DENND4C: variants seen among roughly 807,000 people sequenced by gnomAD.
DENND4C encodes the protein DENN domain containing 4C.
A neutral mutation model predicts 203.0 loss-of-function variants in DENND4C; 108 were observed. The observed-to-expected ratio is 0.53, with a 90% CI of 0.46 to 0.62. The LOEUF (loss-of-function observed/expected upper bound fraction) is 0.62, where lower values mean the gene tolerates loss of function less well. DENND4C is among the 20% of genes least tolerant of loss of function. The pLI is 0.00. For missense variants in DENND4C, 2,481 were observed against 2,301.2 expected (o/e 1.08, Z -1.60); for synonymous variants, 871 against 792.4 (o/e 1.10, Z -1.67).
At chr9:19,230,957 G>C (rs1411765210) in intron 1 of DENND4C, 124 bp downstream of exon 1, 2 of 152,330 alleles carry the variant, frequency 1.3e-5, no homozygotes, top group Non-Finnish European at 2.9e-5. Flanking sequence ...CGAGTGGCTG[G>C]CCCGCGGGGG....
rs377612938 is a variant in DENND4C, at chr9:19,246,708, A to G, written c.-18+15875A>G. ...TATTTAAGGATTTTGCTTCTGGGTTATCTTCGATATTTTTGTTTTTGTTTG... is the reference window on the plus strand; with the variant it reads ...TATTTAAGGATTTTGCTTCTGGGTTGTCTTCGATATTTTTGTTTTTGTTTG... On this transcript the variant is annotated intron_variant, in intron 1 of 32. Coordinates refer to ENST00000434457, the MANE Select transcript of DENND4C (RefSeq NM_001330640.2). 3.3e-5 allele frequency among the ~76,000 whole-genome samples: 5 copies of G among 151,470 alleles called. No individual in the cohort carries two copies. The East Asian group carries it at 9.7e-4, about 29-fold the overall frequency.
chr9:19,327,950 A>G, intron 15 of DENND4C, 80 bp from the exon 16 acceptor site: 2 of 1,333,208 alleles, frequency 1.5e-6, no homozygotes. Flanking sequence ...TGAAGTTTAG[A>G]AATATTTGCC....
intron 30 of DENND4C, among the ~76,000 whole-genome samples, chr9:19,367,914 A>G (rs1828021089): frequency 6.6e-6 from 1 of 152,240 alleles, no homozygotes; most frequent in African/African-American, 2.4e-5. Flanking sequence ...GTATTATTCC[A>G]TTTATATGAA....
At chr9:19,254,184 TCTC>T in intron 1 of DENND4C, among the ~76,000 whole-genome samples, 1 of 152,260 alleles carries the variant, frequency 6.6e-6, no homozygotes. Flanking sequence ...TGGAGGTTCT[TCTC>T]AAAATTAAAA....
Position 19,296,099 on chromosome 9 carries a change from T to G in DENND4C, c.893T>G (p.Val298Gly). Residue 298 changes from valine to glycine, a missense_variant, in exon 6 of 33, where the codon GTG becomes GGG. This residue lies in a region of DENND4C where 2,289 missense variants were observed against 2,113.3 expected (regional missense o/e 1.08). Coordinates refer to ENST00000434457, the MANE Select transcript of DENND4C (RefSeq NM_001330640.2). ...ATGCACCTGGGCTTGTTGACGCCTG[T>G]GGAGAGAAAAATGGTCTCCAAATCC... ...QLMHLGLLTPVERKMVSKSIN... is the reference protein window; with the variant it reads ...QLMHLGLLTPGERKMVSKSIN... 2.5e-6 allele frequency: 4 copies of G among 1,614,118 alleles called. No individual in the cohort carries two copies. The highest frequency in any genetic ancestry group is 2.5e-6 in the Non-Finnish European group (3 of 1,180,002).
intron 30 of DENND4C, among the ~76,000 whole-genome samples, chr9:19,368,178 A>G (rs1010275567): frequency 3.3e-5 from 5 of 152,030 alleles, no homozygotes; most frequent in Non-Finnish European, 5.9e-5. Flanking sequence ...TTCAAAGTCT[A>G]TCATTTAGCA....
rs1451345744 is a variant in DENND4C at position 19,374,004 on chromosome 9, G to T, written c.*1831G>T. On this transcript the variant is annotated 3_prime_UTR_variant, in exon 33 of 33. Coordinates refer to ENST00000434457, the MANE Select transcript of DENND4C (RefSeq NM_001330640.2). ...TCAAAATGGATCTTTTGCACTGTCT[G>T]AGAGTATATATTTTTGCAACTCAAG... Among the ~76,000 whole-genome samples, 1 of 152,080 alleles carries T rather than the reference G, an allele frequency of 6.6e-6. No individual in the cohort carries two copies. The highest frequency in any genetic ancestry group is 1.5e-5 in the Non-Finnish European group (1 of 68,022).
At chr9:19,345,230 C>T (rs1047693137) in intron 22 of DENND4C, among the ~76,000 whole-genome samples, 11 of 152,182 alleles carry the variant, frequency 7.2e-5, no homozygotes, top group African/African-American at 2.4e-4. Flanking sequence ...TTTTCCAAAG[C>T]TGGGGGAAGC....
chr9:19,344,469 C>T (rs1822356214), intron 22 of DENND4C, among the ~76,000 whole-genome samples: 1 of 152,136 alleles, frequency 6.6e-6, no homozygotes, highest in Non-Finnish European at 1.5e-5. Flanking sequence ...GTACTCTCCA[C>T]CCTAGGTGAC....
Position 19,342,629 on chromosome 9 carries a change from C to A in DENND4C, c.3005-4C>A, listed in dbSNP as rs753139337. The A allele has an allele frequency of 6.3e-7, 1 of 1,582,952 alleles. No homozygotes were observed. The highest frequency in any genetic ancestry group is 1.2e-5 in the South Asian group (1 of 85,004). ...AATGATAACATCCAAATATTTTTTT[C>A]CAGAGGTGTGTGATGCCTCTGCTAT... On this transcript the variant is annotated splice_region_variant and splice_polypyrimidine_tract_variant and intron_variant, in intron 21 of 32. Coordinates refer to ENST00000434457, the MANE Select transcript of DENND4C (RefSeq NM_001330640.2).
intron 17 of DENND4C, among the ~76,000 whole-genome samples, chr9:19,333,161 C>T (rs1369317437): frequency 2.0e-5 from 3 of 151,890 alleles, no homozygotes; most frequent in African/African-American, 7.3e-5. Context: ...ACTACAGGTG[C>T]ACACCACCAC....
chr9:19,373,484 G>A lies in DENND4C; in HGVS notation c.*1311G>A, dbSNP rs528157613. The A allele has an allele frequency of 2.0e-5, 3 of 152,520 alleles. No homozygotes were observed. The highest frequency in any genetic ancestry group is 4.4e-5 in the Non-Finnish European group (3 of 68,000). The allele number at this position is 152,520 out of a possible 1,614,324, so 9.4% of individuals were successfully genotyped here. A position where few individuals can be genotyped will look rare whatever the true frequency, so the allele number is the denominator to read the frequency against. The stretch of plus-strand genomic sequence containing the variant: ...TGTGGGATAAACTTGCACTGCACAC[G>A]GAAGTTTTATTCTTGTATATTTAGA... On this transcript the variant is annotated 3_prime_UTR_variant, in exon 33 of 33. Coordinates refer to ENST00000434457, the MANE Select transcript of DENND4C (RefSeq NM_001330640.2).
chr9:19,300,164 A>G (rs1229344317), intron 8 of DENND4C, 23 bp from the exon 9 acceptor site: 56 of 1,580,004 alleles, frequency 3.5e-5, no homozygotes, highest in Non-Finnish European at 4.8e-5. Context: ...ACAATGATCT[A>G]CTTTTCTCTT....
chr9:19,288,293 C>G (rs901580429), intron 3 of DENND4C, among the ~76,000 whole-genome samples: 1 of 152,180 alleles, frequency 6.6e-6, no homozygotes, highest in East Asian at 1.9e-4. Flanking sequence ...AATTTGGGCT[C>G]CAGTGCACAC....
chr9:19,241,818 G>C (rs1823809525), intron 1 of DENND4C, among the ~76,000 whole-genome samples: 1 of 151,852 alleles, frequency 6.6e-6, no homozygotes, highest in Non-Finnish European at 1.5e-5. Context: ...AGGAGATTGG[G>C]ACCAGCCTGG....
At chr9:19,275,378 C>T (rs1435285698) in intron 1 of DENND4C, among the ~76,000 whole-genome samples, 5 of 149,564 alleles carry the variant, frequency 3.3e-5, no homozygotes, top group African/African-American at 9.9e-5. Flanking sequence ...CTGAAACCTC[C>T]GCCTTCCGGG....
rs1448460343 is a variant in DENND4C, at chr9:19,346,871, C to T, written c.4102C>T (p.His1368Tyr). ...CAAGCAGCAAACCCCCTCTCGAACT[C>T]ATAAAGAACGTTCAACTTCTTTGTC... Reference protein sequence around the residue: ...RFKQQTPSRTHKERSTSLSAL... With the variant: ...RFKQQTPSRTYKERSTSLSAL... The change falls in exon 23 of 33, where the codon CAT becomes TAT. Residue 1368 changes from histidine to tyrosine, a missense_variant. By Grantham distance (83) the His-to-Tyr change is moderately conservative. Transcript: ENST00000434457. 1 of 1,614,114 alleles carries T rather than the reference C, an allele frequency of 6.2e-7. No individual in the cohort carries two copies. Among genetic ancestry groups the T allele is most frequent in the African/African-American group, 1.3e-5 (1 of 74,936 alleles).
intron 17 of DENND4C, among the ~76,000 whole-genome samples, chr9:19,334,193 G>A (rs903696655): frequency 3.9e-5 from 6 of 152,064 alleles, no homozygotes; most frequent in African/African-American, 4.8e-5. Flanking sequence ...CTACAAGTGC[G>A]TGCCACCACG....
intron 1 of DENND4C, among the ~76,000 whole-genome samples, chr9:19,250,447 G>GAC (rs780095055): frequency 1.3e-5 from 2 of 152,006 alleles, no homozygotes; most frequent in Non-Finnish European, 2.9e-5. Context: ...GGCTGGTCTT[G>GAC]AACTCCTAAT....
Sources: gnomAD v4.1 joint callset for allele counts (sites outside exome capture counted in the v4.1 genomes callset) on GRCh38, gnomAD v4.1.1 for gene constraint, gnomAD v4.1.1 regional missense constraint, MANE v1.5 for transcripts, NCBI Gene and HGNC (gene_info 2026-07-23, HGNC 2026-07-21) for gene names.